AGBL4: variants seen among roughly 807,000 people sequenced by gnomAD.
AGBL4 encodes AGBL carboxypeptidase 4.
AGBL4 carries 58 observed loss-of-function variants against 66.4 expected under a neutral mutation model. The ratio of observed to expected loss-of-function variants is 0.87; its 90% confidence interval spans 0.71 to 1.09. The LOEUF (loss-of-function observed/expected upper bound fraction) is 1.09, where lower values mean the gene tolerates loss of function less well. Among genes scored for constraint, AGBL4 ranks in the 50% least tolerant of loss-of-function variants. The pLI is 0.00. For missense variants in AGBL4, 579 were observed against 631.0 expected (o/e 0.92, Z 0.88); for synonymous variants, 234 against 222.9 (o/e 1.05, Z -0.44).
intron 4 of AGBL4, among the ~76,000 whole-genome samples, chr1:49,216,908 C>T (rs1198313095): frequency 6.6e-6 from 1 of 152,106 alleles, no homozygotes; most frequent in Non-Finnish European, 1.5e-5. Flanking sequence ...TTGCAATAAC[C>T]GTATGGCTCC....
In AGBL4 at chr1:48,534,235, G is replaced by A. The variant is rs896465817; in HGVS notation, c.1450C>T (p.Pro484Ser). The A allele has an allele frequency of 1.4e-5, 21 of 1,551,584 alleles. No individual in the cohort carries two copies. Among genetic ancestry groups the A allele is most frequent in the Non-Finnish European group, 1.7e-5 (20 of 1,146,952 alleles). The change falls in exon 14 of 14, where the codon CCC becomes TCC. Residue 484 changes from proline to serine, a missense_variant. Physicochemically the swap from Pro to Ser is moderately conservative, Grantham distance 74. Transcript: ENST00000371839. ...CTCTTCTTGTCCCCTTTGCTGTTGG[G>A]GTAGTTGCTGGCTGGGCCCCGCAGG... ...PLLRGPASNY[P>S]NSKGDKKSSV...
At chr1:48,658,998 G>C (rs973264798) in intron 7 of AGBL4, among the ~76,000 whole-genome samples, 1 of 152,142 alleles carries the variant, frequency 6.6e-6, no homozygotes, top group East Asian at 1.9e-4. Context: ...GTAGCAGCAG[G>C]GCTCAGGCTG....
At chr1:49,948,477 A>G (rs1469902038) in intron 1 of AGBL4, among the ~76,000 whole-genome samples, 2 of 123,352 alleles carry the variant, frequency 1.6e-5, no homozygotes, top group South Asian at 2.4e-4. Flanking sequence ...ATATAAATAT[A>G]TAAATATAAA....
chr1:49,776,101 G>A lies in AGBL4; in HGVS notation c.157+75295C>T, dbSNP rs968978805. Among the ~76,000 whole-genome samples the A allele has an allele frequency of 4.4e-4, 67 of 152,076 alleles. 1 individual carries two copies. The highest frequency in any genetic ancestry group is 1.5e-3 in the African/African-American group (64 of 41,422). On this transcript the variant is annotated intron_variant, in intron 2 of 13. Transcript: ENST00000371839. The stretch of plus-strand genomic sequence containing the variant: ...GACAATGCTGAGTAATAGAGTATAC[G>A]TATTGTAGCTACAAAGTGGTGTGAT...
At position 49,880,880 on chromosome 1, in the gene AGBL4, C is replaced by T. The variant is rs1019607013; in HGVS notation, c.35-29362G>A. On this transcript the variant is annotated intron_variant, in intron 1 of 13. Coordinates refer to ENST00000371839, the MANE Select transcript of AGBL4 (RefSeq NM_032785.4). ...TCTCGTGGTGCGCCGTTTTTTAAGC[C>T]GGTCTGAAAAGCACAATATTCGGGT... 6.6e-5 allele frequency among the ~76,000 whole-genome samples: 10 copies of T among 152,066 alleles called. 1 individual carries two copies. Among genetic ancestry groups the T allele is most frequent in the South Asian group, 6.2e-4 (3 of 4,820 alleles).
intron 3 of AGBL4, among the ~76,000 whole-genome samples, chr1:49,333,505 C>CA (rs534408839): frequency 4.0e-5 from 6 of 151,756 alleles, no homozygotes; most frequent in African/African-American, 7.3e-5. Context: ...AACAAACAAA[C>CA]AAAAAAACCA....
chr1:49,940,528 A>G (rs1654640670), intron 1 of AGBL4, among the ~76,000 whole-genome samples: 2 of 152,220 alleles, frequency 1.3e-5, no homozygotes, highest in Admixed American at 6.5e-5. Flanking sequence ...GCCATAAAAA[A>G]TGATGAGTTC....
In AGBL4 at chr1:50,002,550, T is replaced by C. The variant is rs979826697; in HGVS notation, c.34+21213A>G. 4.6e-5 allele frequency among the ~76,000 whole-genome samples: 7 copies of C among 151,572 alleles called. 1 individual carries two copies. Among genetic ancestry groups the C allele is most frequent in the Admixed American group, 3.9e-4 (6 of 15,240 alleles). ...ACGCCCGGCTAATTTTTTGTATTTT[T>C]AGTAGAGACGGGGTTTCACCGTGTT... On this transcript the variant is annotated intron_variant, in intron 1 of 13. Coordinates refer to ENST00000371839, the MANE Select transcript of AGBL4 (RefSeq NM_032785.4).
In AGBL4 at chr1:49,474,013, G is replaced by A. The variant is rs754218924; in HGVS notation, c.282+223300C>T. ...GTGTCTACATTTGTACCAGTACCAT[G>A]TCATTTTGTTTACTGCAGCCTTGTA... On this transcript the variant is annotated intron_variant, in intron 3 of 13. Transcript: ENST00000371839. 1.1e-4 allele frequency among the ~76,000 whole-genome samples: 17 copies of A among 152,030 alleles called. 1 individual carries two copies. The highest frequency in any genetic ancestry group is 2.5e-4 in the Non-Finnish European group (17 of 67,968).
intron 6 of AGBL4, among the ~76,000 whole-genome samples, chr1:48,723,730 T>C (rs1333261866): frequency 6.6e-6 from 1 of 152,230 alleles, no homozygotes; most frequent in African/African-American, 2.4e-5. Context: ...TTTTCACCTA[T>C]TAAGTGGGCA....
intron 4 of AGBL4, among the ~76,000 whole-genome samples, chr1:49,071,019 G>C (rs1644593052): frequency 6.6e-6 from 1 of 151,956 alleles, no homozygotes; most frequent in South Asian, 2.1e-4. Context: ...AGATTTTCTA[G>C]AAGAGAGGCA....
At chr1:49,543,200 A>G (rs1215198821) in intron 3 of AGBL4, among the ~76,000 whole-genome samples, 1 of 152,080 alleles carries the variant, frequency 6.6e-6, no homozygotes, top group African/African-American at 2.4e-5. Flanking sequence ...GTCAACTCTG[A>G]TCTATTCTCC....
chr1:49,360,742 A>G (rs1438921164), intron 3 of AGBL4, among the ~76,000 whole-genome samples: 4 of 152,208 alleles, frequency 2.6e-5, no homozygotes, highest in Admixed American at 2.6e-4. Context: ...TATTATTTTT[A>G]AAAAGGAAGA....
At chr1:49,509,211 G>A (rs975594654) in intron 3 of AGBL4, among the ~76,000 whole-genome samples, 1 of 151,734 alleles carries the variant, frequency 6.6e-6, no homozygotes, top group African/African-American at 2.4e-5. Flanking sequence ...GAGATACAAG[G>A]AGAAGATTCA....
chr1:49,258,654 T>A (rs1019553497), intron 3 of AGBL4, among the ~76,000 whole-genome samples: 1 of 152,172 alleles, frequency 6.6e-6, no homozygotes. Flanking sequence ...TATGGGACTA[T>A]GTGAAAATAC....
intron 11 of AGBL4, among the ~76,000 whole-genome samples, chr1:48,546,467 A>G (rs764916943): frequency 6.6e-6 from 1 of 152,182 alleles, no homozygotes; most frequent in Non-Finnish European, 1.5e-5. Context: ...AGCGGGTGGA[A>G]GAGAAAGACA....
chr1:49,459,134 C>G (rs1196891351), intron 3 of AGBL4, among the ~76,000 whole-genome samples: 1 of 151,338 alleles, frequency 6.6e-6, no homozygotes, highest in Non-Finnish European at 1.5e-5. Context: ...ATTTAAGAAG[C>G]ATTTTCTCTT....
intron 3 of AGBL4, among the ~76,000 whole-genome samples, chr1:49,441,756 C>T (rs1223934413): frequency 6.6e-6 from 1 of 152,214 alleles, no homozygotes; most frequent in African/African-American, 2.4e-5. Context: ...CAAGTGCTTA[C>T]CAACAGGTGA....
chr1:48,677,688 G>A (rs1172377715), intron 6 of AGBL4, among the ~76,000 whole-genome samples: 1 of 152,186 alleles, frequency 6.6e-6, no homozygotes, highest in Admixed American at 6.5e-5. Flanking sequence ...ACAGCTTGAT[G>A]CCTCACTTAT....
Sources: allele counts gnomAD v4.1 joint callset (sites outside exome capture counted in the v4.1 genomes callset), GRCh38; gene constraint gnomAD v4.1.1; transcripts MANE v1.5; gene names NCBI Gene and HGNC (gene_info 2026-07-23, HGNC 2026-07-21).